SI: variants seen among roughly 807,000 people sequenced by gnomAD.
The protein encoded by SI is sucrase-isomaltase.
In SI, 235 loss-of-function variants were observed where a neutral mutation model predicts 253.3. The observed-to-expected ratio is 0.93, with a 90% CI of 0.83 to 1.03. The LOEUF (loss-of-function observed/expected upper bound fraction) is 1.03. SI is among the 50% of genes least tolerant of loss of function. The probability of loss-of-function intolerance (pLI) is 0.00; values close to 1 mark genes in which losing one functional copy is unlikely to be tolerated. For synonymous variants in SI, 819 were observed against 712.0 expected (o/e 1.15, Z -2.39); for missense variants, 2,442 against 2,211.1 (o/e 1.10, Z -2.09).
At chr3:165,007,829 G>A in intron 36 of SI, 82 bp downstream of exon 36, 1 of 489,634 alleles carries the variant, frequency 2.0e-6, no homozygotes, top group Admixed American at 2.9e-5. Flanking sequence ...ATAGCTAACT[G>A]ATATATATCA....
chr3:165,088,911 T>C, the SI span, among the ~76,000 whole-genome samples: 12 of 152,018 alleles, frequency 7.9e-5, no homozygotes, highest in African/African-American at 2.9e-4. Context: ...CTATTTACTA[T>C]AAAATCAATA....
At chr3:164,989,249 G>A in intron 44 of SI, among the ~76,000 whole-genome samples, 1 of 151,238 alleles carries the variant, frequency 6.6e-6, no homozygotes, top group Admixed American at 6.6e-5. Flanking sequence ...GGAGGCTGTG[G>A]CAGGGGAATC....
chr3:165,012,210 G>A (rs1421916395), intron 34 of SI, among the ~76,000 whole-genome samples: 2 of 152,122 alleles, frequency 1.3e-5, no homozygotes, highest in African/African-American at 2.4e-5. Flanking sequence ...TAAAAGCATA[G>A]GGTAGAATGG....
chr3:165,075,102 G>T (rs979818284), intron 2 of SI, among the ~76,000 whole-genome samples: 1 of 151,884 alleles, frequency 6.6e-6, no homozygotes, highest in Non-Finnish European at 1.5e-5. Context: ...CCTTGCAAGG[G>T]AATAATTTGA....
Position 165,021,578 on chromosome 3 carries a change from G to A in SI, c.3100-195C>T, listed in dbSNP as rs537549481. Among the ~76,000 whole-genome samples, 4 of 151,534 alleles carry A rather than the reference G, an allele frequency of 2.6e-5. No individual in the cohort carries two copies. In the South Asian group the frequency reaches 8.3e-4, roughly 31 times the overall value. Reference sequence around the variant, plus strand: ...TACACATTTATAATGGGTCCTAACTGAATACTGCATTTTTGAACCTTTAAA... The same window carrying A: ...TACACATTTATAATGGGTCCTAACTAAATACTGCATTTTTGAACCTTTAAA... On this transcript the variant is annotated intron_variant, in intron 26 of 47. Transcript: ENST00000264382.
chr3:165,001,437 G>T (rs1447975787), intron 37 of SI, among the ~76,000 whole-genome samples: 2 of 151,514 alleles, frequency 1.3e-5, no homozygotes, highest in Admixed American at 1.3e-4. Flanking sequence ...ATCAGAAAAT[G>T]TAATATCTGT....
At chr3:165,065,463 TAATATATATA>T in intron 6 of SI, 31 bp from the exon 7 acceptor site, 3 of 376,074 alleles carry the variant, frequency 8.0e-6, no homozygotes, top group Non-Finnish European at 1.2e-5. Context: ...AGAAATAATC[TAATATATATA>T]TATATATATA....
chr3:165,037,435 T>C (rs1377564850), intron 21 of SI, among the ~76,000 whole-genome samples: 1 of 151,932 alleles, frequency 6.6e-6, no homozygotes, highest in Non-Finnish European at 1.5e-5. Context: ...TTACACTTAG[T>C]GAGCAATTTA....
intron 13 of SI, among the ~76,000 whole-genome samples, chr3:165,052,777 A>G (rs1225374977): frequency 6.6e-6 from 1 of 152,150 alleles, no homozygotes; most frequent in Non-Finnish European, 1.5e-5. Flanking sequence ...AACTAAATCT[A>G]AATATATATA....
chr3:164,986,789 G>T (rs954715866), intron 45 of SI, among the ~76,000 whole-genome samples: 2 of 152,084 alleles, frequency 1.3e-5, no homozygotes, highest in South Asian at 4.1e-4. Flanking sequence ...TAATAATGTG[G>T]TTATTCAGCT....
At chr3:165,010,099 G>A (rs1718702718) in intron 34 of SI, among the ~76,000 whole-genome samples, 2 of 152,016 alleles carry the variant, frequency 1.3e-5, no homozygotes, top group Admixed American at 1.3e-4. Flanking sequence ...ACAAGATATC[G>A]GAGGACATAC....
rs757811825 is a variant in SI at position 164,992,302 on chromosome 3, G to T, written c.4926+11C>A. 3.1e-6 allele frequency: 5 copies of T among 1,612,042 alleles called. No homozygotes were observed. In the South Asian group the frequency reaches 4.4e-5, roughly 14 times the overall value. ...AAAATTGTGTAAACAAAAATATGTGGTAGGACTTACAGGTTCCAGTACTGG... is the reference window on the plus strand; with the variant it reads ...AAAATTGTGTAAACAAAAATATGTGTTAGGACTTACAGGTTCCAGTACTGG... On this transcript the variant is annotated intron_variant, in intron 42 of 47. Transcript: ENST00000264382.
intron 12 of SI, among the ~76,000 whole-genome samples, chr3:165,058,385 A>G (rs759093859): frequency 1.3e-5 from 2 of 151,900 alleles, no homozygotes; most frequent in Non-Finnish European, 2.9e-5. Flanking sequence ...AAGAACTAGA[A>G]AAGCAAGAGC....
At chr3:165,051,314 T>G (rs1329674712) in intron 13 of SI, among the ~76,000 whole-genome samples, 1 of 152,108 alleles carries the variant, frequency 6.6e-6, no homozygotes, top group African/African-American at 2.4e-5. Context: ...AATAGATTTG[T>G]TATCATGACA....
At chr3:165,084,573 CTGAGAA>C in the SI span, among the ~76,000 whole-genome samples, 1 of 151,736 alleles carries the variant, frequency 6.6e-6, no homozygotes, top group African/African-American at 2.4e-5. Flanking sequence ...AAATGAATGT[CTGAGAA>C]TATTTATAAT....
At chr3:165,083,521 A>G in the SI span, among the ~76,000 whole-genome samples, 3 of 151,954 alleles carry the variant, frequency 2.0e-5, no homozygotes, top group Non-Finnish European at 4.4e-5. Flanking sequence ...TAGATCGTTC[A>G]CCTTCTTCTG....
rs1576867425 is a variant in SI at position 164,987,266 on chromosome 3, A to G, written c.5109-40T>C. The G allele has an allele frequency of 7.3e-6, 11 of 1,500,368 alleles. No individual in the cohort carries two copies. The East Asian group carries it at 2.5e-4, about 34-fold the overall frequency. 92.9% of individuals were successfully genotyped at this position (1,500,368 alleles called of 1,614,324 possible). On this transcript the variant is annotated intron_variant, in intron 44 of 47. Transcript: ENST00000264382. ...TATATAATTTTACCCATGTTTGTAG[A>G]ATAGCATATGTCTAGTTATGATATG...
At position 164,992,199 on chromosome 3, in the gene SI, G is replaced by C. The variant is rs150702232; in HGVS notation, c.4961C>G (p.Ala1654Gly). The part of the protein sequence containing the change: ...VQTVNAYVPN[A>G]RWFDYHTGKD... The stretch of plus-strand genomic sequence containing the variant: ...TACTGTATGGTAGTCAAACCACCGA[G>C]CATTGGGGACGTAGGCATTTACAGT... Residue 1654 changes from alanine (A) to glycine (G), a missense_variant, in exon 43 of 48, where the codon GCT becomes GGT. Coordinates refer to ENST00000264382, the MANE Select transcript of SI (RefSeq NM_001041.4). 87 of 1,611,470 alleles carry C rather than the reference G, an allele frequency of 5.4e-5. No individual in the cohort carries two copies. Among genetic ancestry groups the C allele is most frequent in the Admixed American group, 8.3e-5 (5 of 59,954 alleles).
At chr3:165,050,886 C>A (rs1341812895) in intron 13 of SI, among the ~76,000 whole-genome samples, 1 of 151,990 alleles carries the variant, frequency 6.6e-6, no homozygotes, top group African/African-American at 2.4e-5. Flanking sequence ...AGCTTTCAAT[C>A]CTCCCTTTAA....
Sources: allele counts gnomAD v4.1 joint callset (sites outside exome capture counted in the v4.1 genomes callset), GRCh38; gene constraint gnomAD v4.1.1; transcripts MANE v1.5; gene names NCBI Gene and HGNC (gene_info 2026-07-23, HGNC 2026-07-21).